Variants in DENND1A observed in about 807,000 individuals in gnomAD.
DENND1A encodes the protein DENN domain containing 1A.
Under a neutral mutation model 113.7 loss-of-function variants are expected in DENND1A, and 51 were observed. The observed-to-expected ratio is 0.45, with a 90% CI of 0.36 to 0.57. The LOEUF (loss-of-function observed/expected upper bound fraction) is 0.57, where lower values mean the gene tolerates loss of function less well. DENND1A is among the 20% of genes least tolerant of loss of function. The pLI is 0.00. For missense variants in DENND1A, 1,258 were observed against 1,395.9 expected, an observed-to-expected ratio of 0.90 and a Z score of 1.57; for synonymous variants, 565 against 570.8, an observed-to-expected ratio of 0.99 and a Z score of 0.14.
At chr9:123,518,188 A>G (rs1364475520) in intron 13 of DENND1A, among the ~76,000 whole-genome samples, 1 of 152,202 alleles carries the variant, frequency 6.6e-6, no homozygotes, top group East Asian at 1.9e-4. Context: ...TTCAAAGGCA[A>G]TTAGCTGGTA....
intron 9 of DENND1A, among the ~76,000 whole-genome samples, chr9:123,633,681 C>T (rs1443423932): frequency 2.0e-5 from 3 of 152,118 alleles, no homozygotes; most frequent in African/African-American, 7.2e-5. Flanking sequence ...GAGGCTGAGG[C>T]AGGAGAATTG....
chr9:123,464,060 G>A (rs553340050), intron 13 of DENND1A, among the ~76,000 whole-genome samples: 37 of 152,208 alleles, frequency 2.4e-4, no homozygotes, highest in Admixed American at 1.3e-3. Flanking sequence ...TCTTGCACAT[G>A]TACCCCATAA....
At chr9:123,888,280 G>C (rs770785217) in intron 1 of DENND1A, among the ~76,000 whole-genome samples, 4 of 152,214 alleles carry the variant, frequency 2.6e-5, no homozygotes, top group Non-Finnish European at 5.9e-5. Context: ...ATCTGGGGCA[G>C]TCTGAGCATC....
At chr9:123,890,759 T>G (rs1849780385) in intron 1 of DENND1A, among the ~76,000 whole-genome samples, 1 of 152,224 alleles carries the variant, frequency 6.6e-6, no homozygotes, top group South Asian at 2.1e-4. Flanking sequence ...GAGATAGAGC[T>G]GGAATTTGAA....
chr9:123,654,806 C>T (rs757169221), intron 8 of DENND1A, among the ~76,000 whole-genome samples: 1 of 152,202 alleles, frequency 6.6e-6, no homozygotes, highest in Non-Finnish European at 1.5e-5. Flanking sequence ...GGATGCCACC[C>T]GCCTGAGCGG....
At chr9:123,855,750 T>A (rs1449637905) in intron 2 of DENND1A, among the ~76,000 whole-genome samples, 1 of 152,082 alleles carries the variant, frequency 6.6e-6, no homozygotes, top group Admixed American at 6.6e-5. Flanking sequence ...AGGAAACCAA[T>A]TAAGTGTCCA....
At chr9:123,681,903 G>C (rs774298136) in intron 5 of DENND1A, among the ~76,000 whole-genome samples, 23 of 151,262 alleles carry the variant, frequency 1.5e-4, no homozygotes, top group Non-Finnish European at 2.9e-4. Context: ...GCTGGGAAAT[G>C]CTGTGTTGGG....
At chr9:123,668,096 G>C (rs1173782467) in intron 7 of DENND1A, among the ~76,000 whole-genome samples, 3 of 152,128 alleles carry the variant, frequency 2.0e-5, no homozygotes, top group Non-Finnish European at 4.4e-5. Flanking sequence ...AGACTCAGAA[G>C]ACAATGGCAA....
At chr9:123,498,237 A>G (rs1368577491) in intron 13 of DENND1A, among the ~76,000 whole-genome samples, 5 of 152,262 alleles carry the variant, frequency 3.3e-5, no homozygotes, top group African/African-American at 1.2e-4. Flanking sequence ...CACTTGGTAC[A>G]GACTAGCTTT....
chr9:123,812,883 G>A (rs1173686087), intron 2 of DENND1A, among the ~76,000 whole-genome samples: 1 of 151,674 alleles, frequency 6.6e-6, no homozygotes, highest in Non-Finnish European at 1.5e-5. Context: ...GTTCTTTTTT[G>A]CCATACCAAA....
chr9:123,542,247 G>A (rs77070178), intron 13 of DENND1A, among the ~76,000 whole-genome samples: 2 of 152,150 alleles, frequency 1.3e-5, no homozygotes, highest in African/African-American at 4.8e-5. Flanking sequence ...ACATGTCAAG[G>A]AAGCTCTATG....
intron 13 of DENND1A, among the ~76,000 whole-genome samples, chr9:123,467,147 G>C (rs2049025832): frequency 6.6e-6 from 1 of 152,218 alleles, no homozygotes; most frequent in Non-Finnish European, 1.5e-5. Context: ...TGGTTCTAAT[G>C]GAAAGTGTGG....
At chr9:123,399,479 T>C (rs991384072) in intron 21 of DENND1A, among the ~76,000 whole-genome samples, 1 of 152,112 alleles carries the variant, frequency 6.6e-6, no homozygotes, top group Non-Finnish European at 1.5e-5. Context: ...GCAATTCTCA[T>C]GCCTCAGCCT....
In DENND1A at chr9:123,881,532, G is replaced by A. The variant is rs142564651; in HGVS notation, c.18-2511C>T. On this transcript the variant is annotated intron_variant, in intron 1 of 23. Transcript: ENST00000394215. ...ATTAATATAACAGCCTTCAAAGTGT[G>A]TTCTTCAGGACCCTAGGACTTCATG... Among the ~76,000 whole-genome samples the A allele has an allele frequency of 8.5e-5, 13 of 152,270 alleles. No homozygotes were observed. In the South Asian group the frequency reaches 1.5e-3, roughly 17 times the overall value.
chr9:123,734,065 C>A (rs1410763065), intron 5 of DENND1A, among the ~76,000 whole-genome samples: 2 of 152,182 alleles, frequency 1.3e-5, no homozygotes, highest in Admixed American at 6.5e-5. Context: ...AACTCCTGGA[C>A]TCAAGTGATC....
At chr9:123,577,964 T>C (rs556345640) in intron 12 of DENND1A, among the ~76,000 whole-genome samples, 1 of 152,206 alleles carries the variant, frequency 6.6e-6, no homozygotes, top group South Asian at 2.1e-4. Flanking sequence ...GATCTCTGAC[T>C]CTGGTTGGTC....
Position 123,383,819 on chromosome 9 carries a change from C to A in DENND1A, c.1855G>T (p.Val619Phe). Residue 619 changes from valine to phenylalanine, a missense_variant, in exon 23 of 24, where the codon GTC becomes TTC. Coordinates refer to ENST00000394215, the MANE Select transcript of DENND1A (RefSeq NM_001352964.2). ...GCAGCCCGGTCAGGGGGAGCTGGGA[C>A]AGGGCCTGTGGACTTCCGCACTTGC... is the stretch of plus-strand genomic sequence containing the variant. ...EQQVRKSTGP[V>F]PAPPDRAASI... 6 of 1,614,012 alleles carry A rather than the reference C, an allele frequency of 3.7e-6. No individual in the cohort carries two copies. The highest frequency in any genetic ancestry group is 5.1e-6 in the Non-Finnish European group (6 of 1,180,044).
At chr9:123,752,507 G>C (rs2070141752) in intron 5 of DENND1A, among the ~76,000 whole-genome samples, 1 of 152,096 alleles carries the variant, frequency 6.6e-6, no homozygotes, top group African/African-American at 2.4e-5. Flanking sequence ...AAAACTGTAG[G>C]GCAAATATTT....
At chr9:123,700,166 A>C (rs147555020) in intron 5 of DENND1A, among the ~76,000 whole-genome samples, 155 of 152,308 alleles carry the variant, frequency 1.0e-3, no homozygotes, top group Non-Finnish European at 1.2e-3. Context: ...AAAACTGGAG[A>C]TCAGGTAATA....
Sources: gnomAD v4.1 joint callset for allele counts (sites outside exome capture counted in the v4.1 genomes callset) on GRCh38, gnomAD v4.1.1 for gene constraint, MANE v1.5 for transcripts, NCBI Gene and HGNC (gene_info 2026-07-23, HGNC 2026-07-21) for gene names.